ZMAT4: variants seen among roughly 807,000 people sequenced by gnomAD.
ZMAT4 encodes zinc finger matrin-type protein 4.
ZMAT4 carries 17 observed loss-of-function variants against 28.7 expected under a neutral mutation model. The ratio of observed to expected loss-of-function variants is 0.59; its 90% CI spans 0.41 to 0.89. The LOEUF (loss-of-function observed/expected upper bound fraction) is 0.89. Among genes scored for constraint, ZMAT4 ranks in the 40% least tolerant of loss-of-function variants. The pLI is 0.00. For missense variants in ZMAT4, 240 were observed against 283.8 expected (o/e 0.85, Z 1.11); for synonymous variants, 117 against 109.2 (o/e 1.07, Z -0.44).
intron 2 of ZMAT4, among the ~76,000 whole-genome samples, chr8:40,789,194 T>C (rs1251243833): frequency 1.3e-5 from 2 of 152,094 alleles, no homozygotes; most frequent in Non-Finnish European, 2.9e-5. Flanking sequence ...CATAAATTGA[T>C]TTAAAAAGGA....
chr8:40,783,749 G>C (rs189122091), intron 2 of ZMAT4, among the ~76,000 whole-genome samples: 17 of 152,220 alleles, frequency 1.1e-4, no homozygotes, highest in African/African-American at 3.9e-4. Context: ...AGTGGCTCAC[G>C]CTTGTAATCC....
chr8:40,561,627 G>A (rs1361368197), intron 6 of ZMAT4, among the ~76,000 whole-genome samples: 2 of 152,114 alleles, frequency 1.3e-5, no homozygotes, highest in East Asian at 1.9e-4. Context: ...CCAAGCACCA[G>A]CATTAGAGAG....
At chr8:40,638,110 G>A (rs1203774958) in intron 5 of ZMAT4, among the ~76,000 whole-genome samples, 1 of 152,186 alleles carries the variant, frequency 6.6e-6, no homozygotes, top group Non-Finnish European at 1.5e-5. Flanking sequence ...CACCATTTCA[G>A]TTAGAGAGGA....
chr8:40,719,816 C>A (rs1286433616), intron 3 of ZMAT4, among the ~76,000 whole-genome samples: 1 of 152,070 alleles, frequency 6.6e-6, no homozygotes, highest in African/African-American at 2.4e-5. Context: ...GGTGATCTGC[C>A]CCCCCTCAGC....
intron 1 of ZMAT4, among the ~76,000 whole-genome samples, chr8:40,886,698 C>A (rs1818461845): frequency 6.6e-6 from 1 of 152,218 alleles, no homozygotes; most frequent in Admixed American, 6.5e-5. Context: ...AATTTCTGAA[C>A]ATCCCTCCTG....
intron 6 of ZMAT4, among the ~76,000 whole-genome samples, chr8:40,550,814 C>T (rs1803346564): frequency 6.6e-6 from 1 of 152,254 alleles, no homozygotes; most frequent in African/African-American, 2.4e-5. Context: ...TTATAAATTA[C>T]CCAGTTTCAA....
At chr8:40,746,759 A>C (rs1008704850) in intron 3 of ZMAT4, among the ~76,000 whole-genome samples, 2 of 152,112 alleles carry the variant, frequency 1.3e-5, no homozygotes, top group African/African-American at 2.4e-5. Context: ...TCTGGCTCCT[A>C]CCATATTGGT....
rs140488189 is a variant in ZMAT4, at chr8:40,844,592, T to A, written c.-4-18912A>T. On this transcript the variant is annotated intron_variant, in intron 1 of 6. Transcript: ENST00000297737. Reference sequence around the variant, plus strand: ...GAGCTGATTCCTGAAATAAATCTCATATATGTATATATACTCTTTCTCTCT... The same window carrying A: ...GAGCTGATTCCTGAAATAAATCTCAAATATGTATATATACTCTTTCTCTCT... 3.7e-3 allele frequency among the ~76,000 whole-genome samples: 569 copies of A among 151,954 alleles called. 2 individuals carry two copies. The highest frequency in any genetic ancestry group is 5.7e-3 in the Non-Finnish European group (384 of 67,932).
intron 2 of ZMAT4, among the ~76,000 whole-genome samples, chr8:40,816,871 G>A (rs1815561211): frequency 1.3e-5 from 2 of 152,110 alleles, no homozygotes; most frequent in Admixed American, 1.3e-4. Context: ...ATAAATTTGG[G>A]ACATAGAGAA....
At chr8:40,650,308 A>G (rs1807575449) in intron 5 of ZMAT4, among the ~76,000 whole-genome samples, 1 of 151,810 alleles carries the variant, frequency 6.6e-6, no homozygotes, top group African/African-American at 2.4e-5. Context: ...GTCTATGCAA[A>G]TAAACTAGAA....
intron 3 of ZMAT4, among the ~76,000 whole-genome samples, chr8:40,715,117 T>C (rs562999152): frequency 6.6e-6 from 1 of 150,624 alleles, no homozygotes; most frequent in Non-Finnish European, 1.5e-5. Flanking sequence ...AAGGGACTTT[T>C]GAATAAAGGC....
chr8:40,598,041 AT>A (rs1805160016), intron 5 of ZMAT4, among the ~76,000 whole-genome samples: 1 of 118,158 alleles, frequency 8.5e-6, no homozygotes, highest in African/African-American at 2.7e-5. Flanking sequence ...GACTATGTGC[AT>A]TTTTAAAGCT....
intron 3 of ZMAT4, among the ~76,000 whole-genome samples, chr8:40,763,775 C>G (rs1446407465): frequency 6.6e-6 from 1 of 152,116 alleles, no homozygotes; most frequent in African/African-American, 2.4e-5. Context: ...AAAAGTGACA[C>G]TCAGCTTCTC....
At chr8:40,795,069 A>G (rs945414286) in intron 2 of ZMAT4, among the ~76,000 whole-genome samples, 7 of 152,024 alleles carry the variant, frequency 4.6e-5, no homozygotes, top group Non-Finnish European at 7.4e-5. Flanking sequence ...CCACTTACCA[A>G]TGTCTCATCA....
chr8:40,706,021 G>A (rs1343857772), intron 3 of ZMAT4, among the ~76,000 whole-genome samples: 1 of 152,102 alleles, frequency 6.6e-6, no homozygotes, highest in Non-Finnish European at 1.5e-5. Context: ...TGTAGCTCCA[G>A]AACTGAGTAT....
chr8:40,782,933 G>A (rs1813898216), intron 2 of ZMAT4, among the ~76,000 whole-genome samples: 1 of 152,226 alleles, frequency 6.6e-6, no homozygotes, highest in Non-Finnish European at 1.5e-5. Context: ...CCCCAAGGAA[G>A]TGGAGAAATT....
intron 1 of ZMAT4, among the ~76,000 whole-genome samples, chr8:40,863,282 A>G (rs1283862054): frequency 6.6e-6 from 1 of 151,588 alleles, no homozygotes; most frequent in Non-Finnish European, 1.5e-5. Context: ...CTCAGAAAGG[A>G]GAAAAAAAAA....
At chr8:40,611,822 T>C (rs938892018) in intron 5 of ZMAT4, among the ~76,000 whole-genome samples, 1 of 152,262 alleles carries the variant, frequency 6.6e-6, no homozygotes, top group Non-Finnish European at 1.5e-5. Flanking sequence ...AATGTTCAAA[T>C]AGTTTCTCAA....
At chr8:40,818,148 G>C (rs1285210668) in intron 2 of ZMAT4, among the ~76,000 whole-genome samples, 1 of 152,174 alleles carries the variant, frequency 6.6e-6, no homozygotes, top group African/African-American at 2.4e-5. Context: ...TCAGCCTATT[G>C]TCTACTTCGT....
Sources: gnomAD v4.1 joint callset for allele counts (sites outside exome capture counted in the v4.1 genomes callset) on GRCh38, gnomAD v4.1.1 for gene constraint, MANE v1.5 for transcripts, NCBI Gene and HGNC (gene_info 2026-07-23, HGNC 2026-07-21) for gene names.